Variants in XKR6 observed in about 807,000 individuals in gnomAD.
XKR6 encodes XK related 6, also known as XK-related protein 6.
XKR6 carries 22 observed loss-of-function variants against 56.7 expected under a neutral mutation model. That is an observed-to-expected ratio of 0.39 (90% CI 0.28 to 0.55). The LOEUF is 0.55. Ranked by LOEUF, XKR6 falls within the 20% of genes least tolerant of loss-of-function variation. XKR6 has a pLI of 0.66. For missense variants in XKR6, 852 were observed against 889.0 expected (o/e 0.96, Z 0.53); for synonymous variants, 524 against 387.8 (o/e 1.35, Z -4.13).
rs1799823597 is a variant in XKR6, at chr8:11,061,162, T to C, written c.765-136332A>G. Among the ~76,000 whole-genome samples, 3 of 152,218 alleles carry C rather than the reference T, an allele frequency of 2.0e-5. No individual in the cohort carries two copies. In the South Asian group the frequency reaches 6.2e-4, roughly 31 times the overall value. On this transcript the variant is annotated intron_variant, in intron 1 of 2. Transcript: ENST00000416569. ...GAATAGATGTCCACTTGGAGAGTGCTGTTTTCAAAATTCTGAATCGGCTGG... is the reference window on the plus strand; with the variant it reads ...GAATAGATGTCCACTTGGAGAGTGCCGTTTTCAAAATTCTGAATCGGCTGG...
chr8:10,951,309 G>GGA (rs1376682472), intron 1 of XKR6, among the ~76,000 whole-genome samples: 2 of 148,866 alleles, frequency 1.3e-5, no homozygotes, highest in Non-Finnish European at 3.0e-5. Context: ...GGGGGGGGGG[G>GGA]GCCCCCACAG....
chr8:11,103,769 C>A (rs118064064), intron 1 of XKR6, among the ~76,000 whole-genome samples: 1,854 of 152,336 alleles, frequency 0.012, 13 homozygotes, highest in Non-Finnish European at 0.019. Flanking sequence ...AAATACAAAA[C>A]TGCAAATCGA....
intron 1 of XKR6, among the ~76,000 whole-genome samples, chr8:10,970,043 A>C (rs1344437835): frequency 1.3e-5 from 2 of 152,218 alleles, no homozygotes; most frequent in Non-Finnish European, 2.9e-5. Flanking sequence ...TGCTCGCCAC[A>C]GATGGGTGGC....
intron 1 of XKR6, among the ~76,000 whole-genome samples, chr8:11,144,929 G>C (rs554469214): frequency 1.3e-5 from 2 of 150,264 alleles, no homozygotes; most frequent in East Asian, 3.9e-4. Flanking sequence ...AGAAGGAAAG[G>C]GAGAGAAGCG....
chr8:11,196,801 C>T (rs970234614), intron 1 of XKR6, among the ~76,000 whole-genome samples: 9 of 152,230 alleles, frequency 5.9e-5, no homozygotes, highest in African/African-American at 2.2e-4. Flanking sequence ...TTAAGTGCTG[C>T]AACAGATTCT....
rs575109445 is a variant in XKR6, at chr8:11,175,948, G to A, written c.764+24628C>T. 7.9e-5 allele frequency among the ~76,000 whole-genome samples: 12 copies of A among 152,238 alleles called. No individual in the cohort carries two copies. In the East Asian group the frequency reaches 1.4e-3, roughly 17 times the overall value. ...TTGGTCTTCTCAAAAGAAAAACAGGGAAATGCTGATTTACATTTGAAGCCT... is the reference window on the plus strand; with the variant it reads ...TTGGTCTTCTCAAAAGAAAAACAGGAAAATGCTGATTTACATTTGAAGCCT... On this transcript the variant is annotated intron_variant, in intron 1 of 2. Coordinates refer to ENST00000416569, the MANE Select transcript of XKR6 (RefSeq NM_173683.4).
At chr8:10,928,776 C>A (rs890640173) in intron 1 of XKR6, among the ~76,000 whole-genome samples, 3 of 152,180 alleles carry the variant, frequency 2.0e-5, no homozygotes, top group African/African-American at 4.8e-5. Context: ...CCTCCAAGCC[C>A]CCTCCTTCTC....
intron 1 of XKR6, among the ~76,000 whole-genome samples, chr8:11,050,584 AAAAGAG>A (rs1317826846): frequency 1.3e-5 from 2 of 152,046 alleles, no homozygotes; most frequent in African/African-American, 2.4e-5. Context: ...AAAAAAAAAA[AAAAGAG>A]AGAGAGAACC....
At chr8:11,177,118 C>T (rs917426812) in intron 1 of XKR6, among the ~76,000 whole-genome samples, 5 of 152,162 alleles carry the variant, frequency 3.3e-5, no homozygotes, top group Non-Finnish European at 7.3e-5. Flanking sequence ...GGAGAAAAAG[C>T]ACCATGTGCC....
At chr8:11,039,711 C>T (rs1799236464) in intron 1 of XKR6, among the ~76,000 whole-genome samples, 1 of 152,226 alleles carries the variant, frequency 6.6e-6, no homozygotes, top group African/African-American at 2.4e-5. Context: ...TCTGTACTCG[C>T]CCCTTCCCAA....
At chr8:11,140,552 G>A (rs1017910956) in intron 1 of XKR6, among the ~76,000 whole-genome samples, 7 of 152,150 alleles carry the variant, frequency 4.6e-5, no homozygotes, top group African/African-American at 1.7e-4. Context: ...TGACCTTCAA[G>A]TATCAAGGGG....
intron 1 of XKR6, among the ~76,000 whole-genome samples, chr8:11,094,833 C>G (rs1052015756): frequency 6.6e-6 from 1 of 152,170 alleles, no homozygotes; most frequent in Non-Finnish European, 1.5e-5. Flanking sequence ...CCTTCCCTCT[C>G]CTCTCCTGCA....
chr8:11,046,271 G>A (rs1348147738), intron 1 of XKR6, among the ~76,000 whole-genome samples: 2 of 152,106 alleles, frequency 1.3e-5, no homozygotes, highest in Middle Eastern at 3.4e-3. Context: ...ATGGTGGCAC[G>A]TGCCTGTAAT....
chr8:10,910,063 T>C (rs1483068407), intron 2 of XKR6, among the ~76,000 whole-genome samples: 1 of 151,854 alleles, frequency 6.6e-6, no homozygotes, highest in Admixed American at 6.6e-5. Flanking sequence ...TTAACCAGGG[T>C]GATTTTGGCC....
chr8:11,122,055 G>A (rs1436987447), intron 1 of XKR6, among the ~76,000 whole-genome samples: 3 of 152,212 alleles, frequency 2.0e-5, no homozygotes, highest in Non-Finnish European at 2.9e-5. Context: ...AGCACACAGT[G>A]TGCCATAAAG....
chr8:11,029,895 T>G (rs550106093), intron 1 of XKR6, among the ~76,000 whole-genome samples: 1 of 152,268 alleles, frequency 6.6e-6, no homozygotes, highest in African/African-American at 2.4e-5. Context: ...CTGAAGCCAT[T>G]TTCCATCCAT....
intron 1 of XKR6, among the ~76,000 whole-genome samples, chr8:11,077,001 C>T (rs1800291262): frequency 6.6e-6 from 1 of 152,050 alleles, no homozygotes; most frequent in Non-Finnish European, 1.5e-5. Context: ...CACAGTGAGA[C>T]CCCATCTCTA....
At chr8:10,944,755 T>C (rs1801486137) in intron 1 of XKR6, among the ~76,000 whole-genome samples, 1 of 152,136 alleles carries the variant, frequency 6.6e-6, no homozygotes, top group Admixed American at 6.5e-5. Context: ...AGAGCAGAGA[T>C]GCCTTCTGTA....
chr8:11,175,822 G>C (rs757671831), intron 1 of XKR6, among the ~76,000 whole-genome samples: 1 of 151,992 alleles, frequency 6.6e-6, no homozygotes, highest in African/African-American at 2.4e-5. Context: ...CTACACATCC[G>C]TCCGTCAACA....
Sources: allele counts gnomAD v4.1 joint callset (sites outside exome capture counted in the v4.1 genomes callset), GRCh38; gene constraint gnomAD v4.1.1; transcripts MANE v1.5; gene names NCBI Gene and HGNC (gene_info 2026-07-23, HGNC 2026-07-21).